The following RDH12 variants were observed in gnomAD, a reference collection of about 807,000 sequenced individuals.
The protein encoded by RDH12 is all-trans and 9-cis retinol dehydrogenase.
RDH12 carries 21 observed loss-of-function variants against 34.0 expected under a neutral mutation model. The ratio of observed to expected loss-of-function variants is 0.62; its 90% CI spans 0.44 to 0.89. RDH12 has a LOEUF of 0.89. Ranked by LOEUF, RDH12 falls within the 40% of genes least tolerant of loss-of-function variation. The probability of loss-of-function intolerance (pLI) is 0.00; values close to 1 mark genes in which losing one functional copy is unlikely to be tolerated. For synonymous variants in RDH12, 198 were observed against 169.9 expected (o/e 1.17, Z -1.29); for missense variants, 394 against 398.6 (o/e 0.99, Z 0.10).
Position 67,725,107 on chromosome 14 carries a change from G to A in RDH12, c.196G>A (p.Val66Ile), listed in dbSNP as rs529838782. 1.2e-6 allele frequency: 2 copies of A among 1,614,186 alleles called. No individual in the cohort carries two copies. The highest frequency in any genetic ancestry group is 3.3e-5 in the Admixed American group (2 of 60,030). ...TTTTGTCTTGGACCCAGGAGCCCGA[G>A]TCTATATTGCCTGCAGAGATGTACT... ...ARELASRGAR[V>I]YIACRDVLKG... The change falls in exon 5 of 9, where the codon GTC becomes ATC. Residue 66 changes from valine (V) to isoleucine (I), a missense_variant. Val to Ile is a conservative substitution (Grantham distance 29). Coordinates refer to ENST00000551171, the MANE Select transcript of RDH12 (RefSeq NM_152443.3).
rs943754830 is a variant in RDH12, at chr14:67,729,289, C to G, written c.757C>G (p.Pro253Ala). The G allele has an allele frequency of 6.2e-7, 1 of 1,604,550 alleles. No homozygotes were observed. Among genetic ancestry groups the G allele is most frequent in the Non-Finnish European group, 8.5e-7 (1 of 1,179,964 alleles). Residue 253 changes from proline to alanine, a missense_variant, in exon 8 of 9, where the codon CCC (proline) becomes GCC (alanine). Coordinates refer to ENST00000551171, the MANE Select transcript of RDH12 (RefSeq NM_152443.3). ...CTGCCTGCTCTGGCGGCTCTTCTCC[C>G]CCTTTGTCAAGACGGCACGGGAGGG... is the stretch of plus-strand genomic sequence containing the variant. ...LLCLLWRLFS[P>A]FVKTAREGAQ...
chr14:67,715,370 C>T (rs1011920827), intron 1 of RDH12, among the ~76,000 whole-genome samples: 4 of 152,218 alleles, frequency 2.6e-5, no homozygotes, highest in African/African-American at 9.6e-5. Context: ...TTACTCCAAA[C>T]AGAAAATAGC....
intron 8 of RDH12, among the ~76,000 whole-genome samples, chr14:67,732,639 T>G (rs1400648417): frequency 6.6e-6 from 1 of 152,000 alleles, no homozygotes; most frequent in Non-Finnish European, 1.5e-5. Context: ...TTCAGTGGCG[T>G]GATCTCCACT....
chr14:67,720,145 G>A (rs1594863260), intron 1 of RDH12, among the ~76,000 whole-genome samples: 1 of 152,318 alleles, frequency 6.6e-6, no homozygotes, highest in East Asian at 1.9e-4. Flanking sequence ...GTGGCTCCCA[G>A]TATAATTTTA....
At position 67,733,817 on chromosome 14, in the gene RDH12, G is replaced by A. The variant is rs1222772384; in HGVS notation, c.920G>A (p.Ser307Asn). 1 of 1,613,288 alleles carries A rather than the reference G, an allele frequency of 6.2e-7. No individual in the cohort carries two copies. The highest frequency in any genetic ancestry group is 8.5e-7 in the Non-Finnish European group (1 of 1,179,414). The change falls in exon 9 of 9, where the codon AGC (serine) becomes AAC (asparagine). Residue 307 changes from serine (S) to asparagine (N), a missense_variant. Ser to Asn is a conservative substitution (Grantham distance 46). Transcript: ENST00000551171. ...NKTAERLWNV[S>N]CELLGIRWE ...ACAGCTGAGCGCCTATGGAATGTCA[G>A]CTGTGAGCTTCTAGGAATCCGGTGG...
At chr14:67,723,233 A>G (rs1005713636) in intron 3 of RDH12, among the ~76,000 whole-genome samples, 17 of 152,160 alleles carry the variant, frequency 1.1e-4, no homozygotes, top group African/African-American at 3.9e-4. Context: ...TTCTGAGTGG[A>G]GAATTTTTAA....
chr14:67,726,917 C>T, intron 6 of RDH12, 64 bp from the exon 7 acceptor site: 2 of 1,464,128 alleles, frequency 1.4e-6, no homozygotes, highest in Non-Finnish European at 1.9e-6. Flanking sequence ...GTCCTCTTGG[C>T]TCCCACATGC....
Position 67,707,289 on chromosome 14 carries a change from A to G in RDH12, c.-275+5354A>G, listed in dbSNP as rs530633647. ...AAATTGCAAAACATTAGGCAAGACT[A>G]AAATCTAACAATAGGTGTACTACAC... On this transcript the variant is annotated intron_variant, in intron 1 of 8. Coordinates refer to ENST00000551171, the MANE Select transcript of RDH12 (RefSeq NM_152443.3). Among the ~76,000 whole-genome samples, 73 of 152,370 alleles carry G rather than the reference A, an allele frequency of 4.8e-4. 1 individual carries two copies. Among genetic ancestry groups the G allele is most frequent in the Non-Finnish European group, 9.3e-4 (63 of 68,034 alleles).
intron 8 of RDH12, among the ~76,000 whole-genome samples, chr14:67,732,998 C>T (rs1434486276): frequency 6.6e-6 from 1 of 152,018 alleles, no homozygotes; most frequent in Non-Finnish European, 1.5e-5. Context: ...GGAGGGATAG[C>T]ATTAGGAGAT....
chr14:67,734,216 T>C lies in RDH12; in HGVS notation c.*368T>C, dbSNP rs936054228. 5.3e-5 allele frequency: 15 copies of C among 285,460 alleles called. No homozygotes were observed. The highest frequency in any genetic ancestry group is 9.0e-5 in the Non-Finnish European group (13 of 143,684). The allele number at this position is 285,460 out of a possible 1,614,324, so 17.7% of individuals were successfully genotyped here. A position where few individuals can be genotyped will look rare whatever the true frequency, so the allele number is the denominator to read the frequency against. On this transcript the variant is annotated 3_prime_UTR_variant, in exon 9 of 9. Transcript: ENST00000551171. ...GCTGAGGCAAGAAGAGCACCATCAC[T>C]GCCTATTTCTAGGGGCTATACACTC...
intron 8 of RDH12, among the ~76,000 whole-genome samples, chr14:67,732,113 T>G (rs113548338): frequency 0.018 from 2,330 of 131,988 alleles, 76 homozygotes; most frequent in African/African-American, 0.064. Context: ...GGCGACAGAA[T>G]GAGACTCTGT....
intron 1 of RDH12, among the ~76,000 whole-genome samples, chr14:67,719,941 T>TATAA: frequency 6.6e-6 from 1 of 152,344 alleles, no homozygotes; most frequent in African/African-American, 2.4e-5. Context: ...ATGGTAACCT[T>TATAA]ATAAATACAT....
chr14:67,724,433 G>T, intron 3 of RDH12, 40 bp from the exon 4 acceptor site: 8 of 1,226,728 alleles, frequency 6.5e-6, no homozygotes, highest in African/African-American at 1.5e-5. Flanking sequence ...GTGAGCTCGT[G>T]AAGGATGGTA....
chr14:67,723,524 TG>T (rs1340130524), intron 3 of RDH12, among the ~76,000 whole-genome samples: 2 of 152,210 alleles, frequency 1.3e-5, no homozygotes, highest in African/African-American at 4.8e-5. Flanking sequence ...CATGAGCCAC[TG>T]GGCTCAGCCT....
Position 67,729,396 on chromosome 14 carries a change from G to T in RDH12, c.848+16G>T. ...AGTACTTCAGGTGTGTGAAGGCAAT[G>T]CGGTTCTCTCCACCACCTGTGTGCA... On this transcript the variant is annotated intron_variant, in intron 8 of 8. Coordinates refer to ENST00000551171, the MANE Select transcript of RDH12 (RefSeq NM_152443.3). 1.9e-6 allele frequency: 3 copies of T among 1,596,536 alleles called. No homozygotes were observed.
chr14:67,727,415 ATCTTATC>A (rs990417348), intron 7 of RDH12: 24 of 541,318 alleles, frequency 4.4e-5, no homozygotes, highest in Non-Finnish European at 7.3e-5. Context: ...TTTGTGTCAC[ATCTTATC>A]TCTTATCTCA....
chr14:67,711,449 T>C (rs941729382), intron 1 of RDH12, among the ~76,000 whole-genome samples: 1 of 152,216 alleles, frequency 6.6e-6, no homozygotes, highest in Non-Finnish European at 1.5e-5. Flanking sequence ...TTTACTTAAG[T>C]TACATGAACT....
chr14:67,732,156 G>C (rs945154350), intron 8 of RDH12, among the ~76,000 whole-genome samples: 1 of 150,340 alleles, frequency 6.7e-6, no homozygotes, highest in African/African-American at 2.4e-5. Context: ...AAAATTTAAG[G>C]CTGGGTGTGG....
At chr14:67,718,635 T>G (rs946156407) in intron 1 of RDH12, among the ~76,000 whole-genome samples, 1 of 152,246 alleles carries the variant, frequency 6.6e-6, no homozygotes, top group African/African-American at 2.4e-5. Context: ...CTGTCATCAC[T>G]GAACTTCAGG....
Sources: gnomAD v4.1 joint callset for allele counts (sites outside exome capture counted in the v4.1 genomes callset) on GRCh38, gnomAD v4.1.1 for gene constraint, MANE v1.5 for transcripts, NCBI Gene and HGNC (gene_info 2026-07-23, HGNC 2026-07-21) for gene names.